HFM1: variants seen among roughly 807,000 people sequenced by gnomAD.
The protein encoded by HFM1 is helicase for meiosis 1.
Under a neutral mutation model 192.1 loss-of-function variants are expected in HFM1, and 169 were observed. The ratio of observed to expected loss-of-function variants is 0.88; its 90% CI spans 0.78 to 1.00. The LOEUF (loss-of-function observed/expected upper bound fraction) is 1.00, where lower values mean the gene tolerates loss of function less well. Among genes scored for constraint, HFM1 ranks in the 50% least tolerant of loss-of-function variants. The pLI, the probability that HFM1 is intolerant of heterozygous loss-of-function variation, is 0.00. For missense variants in HFM1, 1,661 were observed against 1,668.0 expected (o/e 1.00, Z 0.07); for synonymous variants, 525 against 537.8 (o/e 0.98, Z 0.33).
intron 13 of HFM1, among the ~76,000 whole-genome samples, chr1:91,361,240 A>T (rs1658463731): frequency 6.6e-6 from 1 of 152,068 alleles, no homozygotes; most frequent in South Asian, 2.1e-4. Context: ...ACCCTTCAAA[A>T]AAAAAAAATC....
At chr1:91,316,557 T>G in intron 25 of HFM1, 81 bp from the exon 26 acceptor site, 1 of 592,818 alleles carries the variant, frequency 1.7e-6, no homozygotes, top group Admixed American at 3.9e-5. Context: ...ACAACTAAAT[T>G]AGTAAAAAAA....
chr1:91,271,304 G>C (rs1666266931), intron 34 of HFM1, among the ~76,000 whole-genome samples: 1 of 152,124 alleles, frequency 6.6e-6, no homozygotes, highest in African/African-American at 2.4e-5. Context: ...AAAAAGTAAA[G>C]CCAAGTAGCA....
At chr1:91,291,083 C>T (rs1245784015) in intron 30 of HFM1, among the ~76,000 whole-genome samples, 1 of 151,654 alleles carries the variant, frequency 6.6e-6, no homozygotes, top group African/African-American at 2.4e-5. Context: ...GCACTAAATG[C>T]CCACAATAGA....
intron 30 of HFM1, among the ~76,000 whole-genome samples, chr1:91,282,386 C>A (rs1466766817): frequency 6.6e-6 from 1 of 151,916 alleles, no homozygotes; most frequent in Non-Finnish European, 1.5e-5. Flanking sequence ...TTTAATTTCT[C>A]GGACGTTACT....
rs548608772 is a variant in HFM1 at position 91,374,155 on chromosome 1, A to G, written c.1685+1203T>C. Among the ~76,000 whole-genome samples the G allele has an allele frequency of 2.7e-4, 41 of 152,258 alleles. No individual in the cohort carries two copies. The South Asian group carries it at 8.1e-3, about 30-fold the overall frequency. On this transcript the variant is annotated intron_variant, in intron 13 of 38. Coordinates refer to ENST00000370425, the MANE Select transcript of HFM1 (RefSeq NM_001017975.6). ...CATGCAAGACAATGCTGTACAGAGT[A>G]ACAGTTTGGTGTATTCACAGAACAC...
At chr1:91,317,095 C>T (rs281995) in intron 25 of HFM1, among the ~76,000 whole-genome samples, 152,116 of 152,300 alleles carry the variant, frequency 1, 75,966 homozygotes, top group Non-Finnish European at 1. Context: ...TCTCCAGTCA[C>T]ACTTGCTTTC....
chr1:91,407,857 A>G (rs541765865), upstream of HFM1, among the ~76,000 whole-genome samples: 1 of 152,360 alleles, frequency 6.6e-6, no homozygotes, highest in African/African-American at 2.4e-5. Flanking sequence ...AACATAACCA[A>G]AATTTTCTTC....
At chr1:91,277,570 A>C (rs1351290160) in intron 30 of HFM1, among the ~76,000 whole-genome samples, 2 of 11,450 alleles carry the variant, frequency 1.7e-4, no homozygotes, top group Non-Finnish European at 4.2e-4. Context: ...AAATATGTAT[A>C]ATATATATAC....
At chr1:91,275,491 G>A (rs771592223) in intron 32 of HFM1, among the ~76,000 whole-genome samples, 19 of 152,136 alleles carry the variant, frequency 1.2e-4, no homozygotes, top group Non-Finnish European at 2.4e-4. Context: ...CATCTTGCAG[G>A]CCCTCTAAAT....
chr1:91,346,746 T>C (rs1296857262), intron 19 of HFM1, among the ~76,000 whole-genome samples: 2 of 152,190 alleles, frequency 1.3e-5, no homozygotes, highest in African/African-American at 2.4e-5. Context: ...TGAGGTTGGA[T>C]AGGAATACAT....
chr1:91,347,130 G>T (rs1192764077), intron 19 of HFM1, among the ~76,000 whole-genome samples: 3 of 151,982 alleles, frequency 2.0e-5, no homozygotes, highest in Non-Finnish European at 4.4e-5. Flanking sequence ...AAAAAATACA[G>T]AGTGTGTATC....
At chr1:91,281,990 A>G (rs989836060) in intron 30 of HFM1, among the ~76,000 whole-genome samples, 6 of 152,224 alleles carry the variant, frequency 3.9e-5, no homozygotes, top group Admixed American at 2.6e-4. Flanking sequence ...AGCATTTACA[A>G]TTTTGTCTTT....
At chr1:91,332,062 T>G (rs750945584) in intron 20 of HFM1, among the ~76,000 whole-genome samples, 12 of 152,038 alleles carry the variant, frequency 7.9e-5, no homozygotes, top group Admixed American at 2.0e-4. Flanking sequence ...GCAATCCCTA[T>G]CAAAATACCA....
chr1:91,390,177 C>A (rs537406019), intron 4 of HFM1, among the ~76,000 whole-genome samples: 2 of 152,230 alleles, frequency 1.3e-5, no homozygotes, highest in Non-Finnish European at 2.9e-5. Flanking sequence ...TGGTAGCTTA[C>A]GCCTGTAATC....
rs1208315590 is a variant in HFM1 at position 91,319,309 on chromosome 1, G to A, written c.2664C>T (p.Gly888=). The part of the protein sequence containing the change: ...TQDTAKIFRH[G]SRITRWLSDF... ...GTAACATACATCTTGTAATTCGGGA[G>A]CCATGTCTGAAAATCTTTGCGGTAT... Residue 888 remains glycine (G), a synonymous_variant, in exon 24 of 39, where the codon GGC becomes GGT. Transcript: ENST00000370425. 1.2e-6 allele frequency: 2 copies of A among 1,609,834 alleles called. No homozygotes were observed. Among genetic ancestry groups the A allele is most frequent in the East Asian group, 4.5e-5 (2 of 44,806 alleles).
At chr1:91,294,022 G>A (rs543319414) in intron 30 of HFM1, among the ~76,000 whole-genome samples, 2 of 145,728 alleles carry the variant, frequency 1.4e-5, no homozygotes, top group African/African-American at 2.6e-5. Flanking sequence ...ACACAGGAAG[G>A]GGAACATCAC....
chr1:91,366,109 A>G (rs1478408319), intron 13 of HFM1, among the ~76,000 whole-genome samples: 1 of 152,186 alleles, frequency 6.6e-6, no homozygotes, highest in Non-Finnish European at 1.5e-5. Context: ...AAAGGAATTA[A>G]GATATATGTT....
intron 13 of HFM1, among the ~76,000 whole-genome samples, chr1:91,362,921 T>C (rs1414600055): frequency 1.3e-5 from 2 of 152,024 alleles, no homozygotes; most frequent in Non-Finnish European, 2.9e-5. Context: ...AAGCAAGCAA[T>C]GGGGAAAGGA....
chr1:91,348,818 G>A (rs1037002313), intron 18 of HFM1, among the ~76,000 whole-genome samples: 1 of 151,976 alleles, frequency 6.6e-6, no homozygotes, highest in Non-Finnish European at 1.5e-5. Flanking sequence ...CAGCTACTCT[G>A]GTGGCTGAGG....
Sources: gnomAD v4.1 joint callset for allele counts (sites outside exome capture counted in the v4.1 genomes callset) on GRCh38, gnomAD v4.1.1 for gene constraint, MANE v1.5 for transcripts, NCBI Gene and HGNC (gene_info 2026-07-23, HGNC 2026-07-21) for gene names.